CDC27: variants seen among roughly 807,000 people sequenced by gnomAD.
The protein encoded by CDC27 is cell division cycle 27.
Under a neutral mutation model 109.7 loss-of-function variants are expected in CDC27, and 27 were observed. The observed-to-expected ratio is 0.25, with a 90% CI of 0.18 to 0.34. The LOEUF is 0.34. Ranked by LOEUF, CDC27 falls within the 10% of genes least tolerant of loss-of-function variation. CDC27 has a pLI of 1.00. For missense variants in CDC27, 579 were observed against 960.2 expected (o/e 0.60, Z 5.25); for synonymous variants, 266 against 333.9 (o/e 0.80, Z 2.22).
At chr17:47,150,728 C>T (rs941775695) in intron 9 of CDC27, among the ~76,000 whole-genome samples, 1 of 152,058 alleles carries the variant, frequency 6.6e-6, no homozygotes, top group South Asian at 2.1e-4. Flanking sequence ...ACAAAGAACA[C>T]AAAATTATTA....
At chr17:47,186,417 G>A (rs1251555012) in intron 1 of CDC27, among the ~76,000 whole-genome samples, 9 of 152,116 alleles carry the variant, frequency 5.9e-5, no homozygotes, top group Non-Finnish European at 1.3e-4. Context: ...TTTTCGAAAG[G>A]CTTATTTACA....
intron 9 of CDC27, among the ~76,000 whole-genome samples, chr17:47,150,349 T>C (rs751153343): frequency 2.6e-5 from 4 of 152,236 alleles, no homozygotes; most frequent in African/African-American, 7.2e-5. Context: ...GCAGATGTCA[T>C]TGAGTTAAGC....
At chr17:47,147,429 A>AAC (rs1491293585) in intron 9 of CDC27, among the ~76,000 whole-genome samples, 2,341 of 79,718 alleles carry the variant, frequency 0.029, 49 homozygotes, top group African/African-American at 0.1. Context: ...ACAAACAAAC[A>AAC]AAAAAAAAAA....
chr17:47,133,489 T>G, intron 14 of CDC27, among the ~76,000 whole-genome samples: 7 of 146,516 alleles, frequency 4.8e-5, no homozygotes, highest in South Asian at 2.2e-4. Flanking sequence ...GCCCAGGCTG[T>G]AGTGCAATGG....
chr17:47,152,868 A>G (rs777918542), intron 8 of CDC27, among the ~76,000 whole-genome samples: 5 of 151,990 alleles, frequency 3.3e-5, no homozygotes, highest in Admixed American at 1.3e-4. Flanking sequence ...TTATCCTTCT[A>G]CTATTTTTAA....
At chr17:47,143,024 T>A (rs950494785) in intron 10 of CDC27, among the ~76,000 whole-genome samples, 1 of 151,472 alleles carries the variant, frequency 6.6e-6, no homozygotes, top group African/African-American at 2.4e-5. Context: ...CGTGCTGGAG[T>A]GTAATGATGT....
In CDC27 at chr17:47,188,327, G is replaced by C. The variant is rs11570454; in HGVS notation, c.27+819C>G. On this transcript the variant is annotated intron_variant, in intron 1 of 18. Coordinates refer to ENST00000066544, the MANE Select transcript of CDC27 (RefSeq NM_001256.6). The stretch of plus-strand genomic sequence containing the variant: ...TCAGGGGGGAAAATGACTTGGCACC[G>C]CATCACACACTTAAAATCCAATAGG... 6.6e-4 allele frequency among the ~76,000 whole-genome samples: 100 copies of C among 152,134 alleles called. 4 individuals carry two copies. The East Asian group carries it at 0.019, about 29-fold the overall frequency.
At chr17:47,133,133 ATATAAT>A (rs1423599507) in intron 14 of CDC27, among the ~76,000 whole-genome samples, 2 of 111,966 alleles carry the variant, frequency 1.8e-5, no homozygotes, top group African/African-American at 6.8e-5. Context: ...ATATATATAT[ATATAAT>A]ATATATGTAT....
intron 15 of CDC27, 45 bp downstream of exon 15, chr17:47,132,212 C>A: frequency 1.1e-6 from 1 of 873,272 alleles, no homozygotes; most frequent in South Asian, 1.8e-5. Context: ...AAACATATTT[C>A]AAAAGGGAGA....
At chr17:47,137,098 G>T in intron 14 of CDC27, 54 bp downstream of exon 14, 1 of 1,009,118 alleles carries the variant, frequency 9.9e-7, no homozygotes, top group East Asian at 2.9e-5. Context: ...AGAAAAATTA[G>T]TAAGTACCAG....
In CDC27 at chr17:47,119,928, C is replaced by T. The variant is rs141572435; in HGVS notation, c.*1007G>A. ...AAAGGATCTCAACCAAAGGTAACCA[C>T]ACATTCTTACACTCTGCTTAAGCAA... On this transcript the variant is annotated 3_prime_UTR_variant, in exon 19 of 19. Transcript: ENST00000066544. 1 of 152,346 alleles carries T rather than the reference C, an allele frequency of 6.6e-6. No individual in the cohort carries two copies. The highest frequency in any genetic ancestry group is 1.5e-5 in the Non-Finnish European group (1 of 68,030). The allele number at this position is 152,346 out of a possible 1,614,324, so 9.4% of individuals were successfully genotyped here.
intron 9 of CDC27, among the ~76,000 whole-genome samples, chr17:47,148,465 T>C (rs1275803317): frequency 6.6e-6 from 1 of 152,064 alleles, no homozygotes; most frequent in East Asian, 1.9e-4. Context: ...TACAAGTACC[T>C]GGAGTCCCAG....
At chr17:47,169,691 T>C (rs1281610261) in intron 4 of CDC27, 1 of 333,336 alleles carries the variant, frequency 3.0e-6, no homozygotes, top group East Asian at 4.6e-5. Flanking sequence ...ACCTAACATG[T>C]ATGATCAATT....
chr17:47,177,449 C>T (rs910854763), intron 2 of CDC27, among the ~76,000 whole-genome samples: 3 of 152,008 alleles, frequency 2.0e-5, no homozygotes, highest in Non-Finnish European at 4.4e-5. Context: ...TGGCCGCAGG[C>T]GCTTATAATC....
chr17:47,172,486 A>T (rs1239470556), intron 2 of CDC27, among the ~76,000 whole-genome samples: 1 of 152,172 alleles, frequency 6.6e-6, no homozygotes, highest in Admixed American at 6.5e-5. Flanking sequence ...CTAACTACCA[A>T]TATGAAATAA....
At chr17:47,133,100 AATATACAT>A (rs1568374965) in intron 14 of CDC27, among the ~76,000 whole-genome samples, 1 of 15,026 alleles carries the variant, frequency 6.7e-5, no homozygotes, top group Admixed American at 1.2e-3. Context: ...CACACACACA[AATATACAT>A]ATATATATAT....
intron 10 of CDC27, among the ~76,000 whole-genome samples, chr17:47,142,672 G>A (rs1285190777): frequency 2.0e-5 from 3 of 152,074 alleles, no homozygotes; most frequent in Non-Finnish European, 2.9e-5. Context: ...ATTAAGTGTA[G>A]CCCTCTTGTG....
At chr17:47,137,435 C>T in intron 13 of CDC27, 75 bp from the exon 14 acceptor site, 1 of 810,988 alleles carries the variant, frequency 1.2e-6, no homozygotes, top group Middle Eastern at 3.3e-4. Context: ...TGACTAAAAT[C>T]AAGCCTCAAC....
At chr17:47,166,045 G>A (rs574140646) in intron 4 of CDC27, among the ~76,000 whole-genome samples, 2 of 152,222 alleles carry the variant, frequency 1.3e-5, no homozygotes, top group African/African-American at 4.8e-5. Context: ...AATTTTCTGA[G>A]AAATAGTATT....
Sources: allele counts gnomAD v4.1 joint callset (sites outside exome capture counted in the v4.1 genomes callset), GRCh38; gene constraint gnomAD v4.1.1; transcripts MANE v1.5; gene names NCBI Gene and HGNC (gene_info 2026-07-23, HGNC 2026-07-21).